PHF21B: variants seen among roughly 807,000 people sequenced by gnomAD.
PHF21B encodes PHD finger protein 4.
In PHF21B, 22 loss-of-function variants were observed where a neutral mutation model predicts 62.2. That is an observed-to-expected ratio of 0.35 (90% CI 0.25 to 0.51). The LOEUF (loss-of-function observed/expected upper bound fraction) is 0.51, where lower values mean the gene tolerates loss of function less well. Ranked by LOEUF, PHF21B falls within the 20% of genes least tolerant of loss-of-function variation. The pLI is 0.97. For missense variants in PHF21B, 701 were observed against 707.9 expected (o/e 0.99, Z 0.11); for synonymous variants, 341 against 314.7 (o/e 1.08, Z -0.88).
chr22:44,966,271 C>T (rs1050235041), intron 2 of PHF21B, among the ~76,000 whole-genome samples: 1 of 152,258 alleles, frequency 6.6e-6, no homozygotes, highest in African/African-American at 2.4e-5. Flanking sequence ...AGCCCTGCTG[C>T]TCACTGAGCT....
intron 2 of PHF21B, among the ~76,000 whole-genome samples, chr22:45,004,165 G>A (rs2073271018): frequency 6.6e-6 from 1 of 152,188 alleles, no homozygotes. Flanking sequence ...GGTAGTGAAG[G>A]CTGTACAGAT....
rs2147243758 is a variant in PHF21B, at chr22:44,885,425, C to G, written c.1377+1G>C. ...AGCCTCCCCCAGGCCCCGGGGCACA[C>G]CTGCACTGCTGACGCCAGCCGCCGG... On this transcript the variant is annotated splice_donor_variant, in intron 12 of 12. Coordinates refer to ENST00000313237, the MANE Select transcript of PHF21B (RefSeq NM_138415.5). LOFTEE classifies it high-confidence loss of function. 6.4e-7 allele frequency: 1 copy of G among 1,574,554 alleles called. No individual in the cohort carries two copies. The highest frequency in any genetic ancestry group is 1.3e-5 in the African/African-American group (1 of 74,384).
chr22:44,931,140 G>C (rs374769244), intron 2 of PHF21B, among the ~76,000 whole-genome samples: 5 of 152,138 alleles, frequency 3.3e-5, no homozygotes, highest in Admixed American at 6.5e-5. Context: ...CTGCAGCCTC[G>C]AATTCCTGGG....
At chr22:44,975,040 G>T (rs1483446629) in intron 2 of PHF21B, among the ~76,000 whole-genome samples, 1 of 152,150 alleles carries the variant, frequency 6.6e-6, no homozygotes, top group Non-Finnish European at 1.5e-5. Context: ...CCAGCATGGA[G>T]CCACAGCCTG....
At chr22:44,932,446 C>T (rs1236597852) in intron 2 of PHF21B, among the ~76,000 whole-genome samples, 1 of 152,234 alleles carries the variant, frequency 6.6e-6, no homozygotes, top group African/African-American at 2.4e-5. Flanking sequence ...CACCACCAGG[C>T]ACACGTCTTC....
chr22:44,889,639 A>ACT (rs2070925257), intron 9 of PHF21B, 121 bp downstream of exon 9: 1 of 1,257,508 alleles, frequency 8.0e-7, no homozygotes, highest in Non-Finnish European at 1.1e-6. Context: ...TAAAGGCAGA[A>ACT]CCGAAAGGCC....
In PHF21B at chr22:44,914,098, G is replaced by A. The variant is rs1452790505; in HGVS notation, c.565-10C>T. ...GGAGGCGTGGAGGAGGCTGGAGAGCGAGGGTGAGGGGCACAGGGAGGAAGG... is the reference window on the plus strand; with the variant it reads ...GGAGGCGTGGAGGAGGCTGGAGAGCAAGGGTGAGGGGCACAGGGAGGAAGG... On this transcript the variant is annotated splice_polypyrimidine_tract_variant and intron_variant, in intron 4 of 12. Coordinates refer to ENST00000313237, the MANE Select transcript of PHF21B (RefSeq NM_138415.5). 12 of 827,182 alleles carry A rather than the reference G, an allele frequency of 1.5e-5. No homozygotes were observed. The highest frequency in any genetic ancestry group is 2.3e-5 in the Non-Finnish European group (12 of 522,390). The allele number at this position is 827,182 out of a possible 1,614,324, so 51.2% of individuals were successfully genotyped here.
intron 2 of PHF21B, among the ~76,000 whole-genome samples, chr22:44,930,405 A>G (rs2071717474): frequency 6.6e-6 from 1 of 152,202 alleles, no homozygotes; most frequent in African/African-American, 2.4e-5. Context: ...CCCTTTGTAT[A>G]TTTTATAATA....
chr22:44,984,323 G>A (rs1032711202), intron 2 of PHF21B, among the ~76,000 whole-genome samples: 4 of 148,836 alleles, frequency 2.7e-5, no homozygotes, highest in Non-Finnish European at 6.0e-5. Flanking sequence ...GGGCCAGTAA[G>A]AGCTGAAGAA....
rs3087031 is a variant in PHF21B at position 44,912,878 on chromosome 22, C to CAAAAAAA, written c.831+937_831+943dup. Among the ~76,000 whole-genome samples the CAAAAAAA allele has an allele frequency of 7.5e-3, 344 of 45,586 alleles. 47 individuals are homozygous for CAAAAAAA. The highest frequency in any genetic ancestry group is 0.046 in the East Asian group (58 of 1,266). 29.9% of individuals were successfully genotyped at this position (45,586 alleles called of 152,430 possible). A position where few individuals can be genotyped will look rare whatever the true frequency, so the allele number is the denominator to read the frequency against. ...TGGCTCAAAGAGTCAGACTCTATCT[C>CAAAAAAA]AAAAAAAAAAAAAAAAAAAGACAAA... is the stretch of plus-strand genomic sequence containing the variant. On this transcript the variant is annotated intron_variant, in intron 5 of 12. Coordinates refer to ENST00000313237, the MANE Select transcript of PHF21B (RefSeq NM_138415.5).
intron 2 of PHF21B, among the ~76,000 whole-genome samples, chr22:44,990,467 A>G (rs2035831497): frequency 6.6e-6 from 1 of 152,252 alleles, no homozygotes; most frequent in African/African-American, 2.4e-5. Flanking sequence ...AAGCAGTGGA[A>G]TAACGCACAG....
At chr22:44,927,807 C>G (rs533092095) in intron 2 of PHF21B, among the ~76,000 whole-genome samples, 24 of 152,288 alleles carry the variant, frequency 1.6e-4, no homozygotes, top group African/African-American at 5.3e-4. Flanking sequence ...CTCGATTTCA[C>G]CAGCACCAGG....
intron 2 of PHF21B, among the ~76,000 whole-genome samples, chr22:44,992,804 G>A (rs1255302439): frequency 6.6e-6 from 1 of 152,208 alleles, no homozygotes; most frequent in Non-Finnish European, 1.5e-5. Flanking sequence ...ACCCCCCAGA[G>A]AGGCTCTCGG....
At chr22:44,982,935 C>T (rs1298375153) in intron 2 of PHF21B, among the ~76,000 whole-genome samples, 2 of 152,140 alleles carry the variant, frequency 1.3e-5, no homozygotes, top group Non-Finnish European at 2.9e-5. Flanking sequence ...AAGACAGAAT[C>T]TGATTTGGAC....
chr22:45,008,574 G>A lies in PHF21B; in HGVS notation c.91C>T (p.Pro31Ser), dbSNP rs1165084981. 3 of 1,589,364 alleles carry A rather than the reference G, an allele frequency of 1.9e-6. No homozygotes were observed. Among genetic ancestry groups the A allele is most frequent in the African/African-American group, 1.3e-5 (1 of 74,558 alleles). Residue 31 changes from proline (P) to serine (S), a missense_variant, in exon 2 of 13, where the codon CCG becomes TCG. Transcript: ENST00000313237. ...TTGTCGCTGAGCGCGGCGATCCGCG[G>A]CTGCCTTTCGTGGAGCTGCTTCTTG... Reference protein sequence around the residue: ...DLKKQLHERQPRIAALSDKQA... With the variant: ...DLKKQLHERQSRIAALSDKQA...
In PHF21B at chr22:44,883,193, C is replaced by G; in HGVS notation, c.1489G>C (p.Val497Leu). ...GCAGGGCTAGTGGTCGTCATGGTGA[C>G]CTGGAGCAGCTGCTCGCCCTGTATC... ...RLIQGEQLLQ[V>L]TMTTTSPAPL... Residue 497 changes from valine (V) to leucine (L), a missense_variant, in exon 13 of 13, where the codon GTC becomes CTC. Transcript: ENST00000313237. 6.2e-7 allele frequency: 1 copy of G among 1,613,666 alleles called. No homozygotes were observed. Among genetic ancestry groups the G allele is most frequent in the Non-Finnish European group, 8.5e-7 (1 of 1,179,990 alleles).
rs946308272 is a variant in PHF21B, at chr22:44,942,273, G to A, written c.121-21783C>T. On this transcript the variant is annotated intron_variant, in intron 2 of 12. Transcript: ENST00000313237. ...GATCCAGGCCACCGGGACAGTGTGT[G>A]CCAGGCACCATCTGGAGGGCAGCCG... is the stretch of plus-strand genomic sequence containing the variant. Among the ~76,000 whole-genome samples, 9 of 152,314 alleles carry A rather than the reference G, an allele frequency of 5.9e-5. 1 individual carries two copies.
intron 2 of PHF21B, among the ~76,000 whole-genome samples, chr22:44,960,723 G>A (rs1441612324): frequency 1.3e-5 from 2 of 152,202 alleles, no homozygotes; most frequent in East Asian, 1.9e-4. Flanking sequence ...CCAACCAGCC[G>A]GAGGCCTGAA....
chr22:44,940,200 C>T (rs2071929263), intron 2 of PHF21B, among the ~76,000 whole-genome samples: 1 of 152,204 alleles, frequency 6.6e-6, no homozygotes. Flanking sequence ...CTCCTCTTGG[C>T]AAGAGGGCCT....
Sources: gnomAD v4.1 joint callset for allele counts (sites outside exome capture counted in the v4.1 genomes callset) on GRCh38, gnomAD v4.1.1 for gene constraint, MANE v1.5 for transcripts, NCBI Gene and HGNC (gene_info 2026-07-23, HGNC 2026-07-21) for gene names.